The following PHACTR3 variants were observed in gnomAD, a reference collection of about 807,000 sequenced individuals.
The protein encoded by PHACTR3 is protein phosphatase 1, regulatory subunit 123.
In PHACTR3, 16 loss-of-function variants were observed where a neutral mutation model predicts 66.8. The observed-to-expected ratio is 0.24, with a 90% CI of 0.16 to 0.36. PHACTR3 has a LOEUF of 0.36. Among genes scored for constraint, PHACTR3 ranks in the 10% least tolerant of loss-of-function variants. The pLI is 1.00. For missense variants in PHACTR3, 647 were observed against 719.9 expected, an observed-to-expected ratio of 0.90 and a Z score of 1.16; for synonymous variants, 323 against 292.1, an observed-to-expected ratio of 1.11 and a Z score of -1.08.
At chr20:59,606,308 C>T (rs1410602743) in intron 1 of PHACTR3, among the ~76,000 whole-genome samples, 1 of 151,984 alleles carries the variant, frequency 6.6e-6, no homozygotes, top group Non-Finnish European at 1.5e-5. Context: ...ATCCCTCCCC[C>T]CCCCATTTGA....
At chr20:59,765,751 T>C (rs2040158103) in intron 4 of PHACTR3, among the ~76,000 whole-genome samples, 1 of 152,152 alleles carries the variant, frequency 6.6e-6, no homozygotes, top group Non-Finnish European at 1.5e-5. Flanking sequence ...TTCAGCACCA[T>C]GGACAGCACC....
At chr20:59,761,820 A>G (rs1182483) in intron 4 of PHACTR3, among the ~76,000 whole-genome samples, 125,203 of 152,100 alleles carry the variant, frequency 0.82, 51,614 homozygotes, top group Middle Eastern at 0.85. Context: ...TGACCCCTGC[A>G]TTGGGGTTTG....
intron 7 of PHACTR3, among the ~76,000 whole-genome samples, chr20:59,798,118 G>A (rs2041306707): frequency 6.6e-6 from 1 of 152,130 alleles, no homozygotes; most frequent in Non-Finnish European, 1.5e-5. Flanking sequence ...AAGCTGGCAA[G>A]TTCAATGTCT....
At chr20:59,605,855 AGGTGGGGGGGGGGGT>A (rs1568929018) in intron 1 of PHACTR3, among the ~76,000 whole-genome samples, 1 of 8,836 alleles carries the variant, frequency 1.1e-4, no homozygotes, top group African/African-American at 6.4e-4. Context: ...GCGGGGGGGG[AGGTGGGGGGGGGGGT>A]GGGCTGTGTG....
At chr20:59,643,961 AAGG>A (rs1345550538) in intron 1 of PHACTR3, among the ~76,000 whole-genome samples, 4 of 152,112 alleles carry the variant, frequency 2.6e-5, no homozygotes, top group Non-Finnish European at 4.4e-5. Flanking sequence ...GTGTTTGAGG[AAGG>A]AGGTGGAGCA....
At chr20:59,600,872 TGATTATGCCCACCAGGGCAA>T (rs955647499), upstream of PHACTR3, among the ~76,000 whole-genome samples, 9 of 151,700 alleles carry the variant, frequency 5.9e-5, no homozygotes, top group African/African-American at 1.2e-4. Context: ...GTTTCAGTGT[TGATTATGCCCACCAGGGCAA>T]GAGGCAGAAC....
chr20:59,582,296 T>A (rs2032886188), intron 1 of PHACTR3, among the ~76,000 whole-genome samples: 1 of 152,244 alleles, frequency 6.6e-6, no homozygotes, highest in Non-Finnish European at 1.5e-5. Context: ...CTTCATAGGT[T>A]CTGTCTAATT....
At chr20:59,811,577 TG>T (rs1377029128) in intron 8 of PHACTR3, among the ~76,000 whole-genome samples, 1 of 152,034 alleles carries the variant, frequency 6.6e-6, no homozygotes, top group African/African-American at 2.4e-5. Flanking sequence ...GAGAATCGCT[TG>T]AACCTGGGAG....
chr20:59,577,766 T>C (rs2032755135), intron 1 of PHACTR3: 1 of 440,562 alleles, frequency 2.3e-6, no homozygotes, highest in African/African-American at 2.1e-5. Flanking sequence ...GCCACAGAGG[T>C]GGGCGCCCCG....
Position 59,581,038 on chromosome 20 carries a change from C to T in PHACTR3, c.109+3421C>T, listed in dbSNP as rs1031337177. On this transcript the variant is annotated intron_variant, in intron 1 of 12. Transcript: ENST00000359926. ...ACGGCTGAGACCTAGCTGTCTCCTC[C>T]GGTCCAGAAATGGAGCTGGCATCCC... 1.7e-4 allele frequency among the ~76,000 whole-genome samples: 26 copies of T among 152,318 alleles called. No homozygotes were observed. The East Asian group carries it at 2.1e-3, about 12-fold the overall frequency.
chr20:59,835,859 G>C (rs1350110554), intron 8 of PHACTR3: 1 of 152,304 alleles, frequency 6.6e-6, no homozygotes, highest in Non-Finnish European at 1.5e-5. Flanking sequence ...CTGGCTGGAA[G>C]AGATTCCCAG....
chr20:59,774,094 CTCCTTCTGGTGTG>C, intron 6 of PHACTR3, 136 bp from the exon 7 acceptor site: 1 of 919,916 alleles, frequency 1.1e-6, no homozygotes, highest in South Asian at 2.5e-5. Flanking sequence ...AATCCTCATG[CTCCTTCTGGTGTG>C]TCCAGGATAA....
intron 1 of PHACTR3, among the ~76,000 whole-genome samples, chr20:59,589,627 T>C (rs2033133507): frequency 6.6e-6 from 1 of 151,992 alleles, no homozygotes; most frequent in Non-Finnish European, 1.5e-5. Context: ...CTGTGGTGAG[T>C]CCGTAAGCCC....
At chr20:59,728,887 G>A (rs763888680) in intron 1 of PHACTR3, among the ~76,000 whole-genome samples, 1 of 152,056 alleles carries the variant, frequency 6.6e-6, no homozygotes, top group Non-Finnish European at 1.5e-5. Flanking sequence ...TTGGGTGGGA[G>A]GGTGCTTGGA....
upstream of PHACTR3, among the ~76,000 whole-genome samples, chr20:59,600,806 G>C (rs968892283): frequency 2.6e-5 from 4 of 152,088 alleles, no homozygotes; most frequent in Admixed American, 6.5e-5. Context: ...AGGGGCAGAA[G>C]GGGGGTCCTT....
intron 3 of PHACTR3, among the ~76,000 whole-genome samples, chr20:59,753,945 G>A (rs1260018212): frequency 6.6e-5 from 10 of 152,184 alleles, no homozygotes; most frequent in Non-Finnish European, 1.3e-4. Flanking sequence ...AGGATGGGAC[G>A]TGTGTGGAAG....
At chr20:59,639,907 A>C (rs2035041612) in intron 1 of PHACTR3, among the ~76,000 whole-genome samples, 2 of 152,244 alleles carry the variant, frequency 1.3e-5, no homozygotes, top group South Asian at 4.1e-4. Flanking sequence ...GTGATAATGC[A>C]GGAAAAAAAC....
intron 1 of PHACTR3, among the ~76,000 whole-genome samples, chr20:59,681,144 A>G (rs1473638989): frequency 3.9e-5 from 6 of 151,928 alleles, no homozygotes; most frequent in Non-Finnish European, 5.9e-5. Flanking sequence ...TTCCAGCAGC[A>G]TAGCTGAGGC....
chr20:59,804,767 G>C (rs2041513402), intron 7 of PHACTR3, among the ~76,000 whole-genome samples: 1 of 152,200 alleles, frequency 6.6e-6, no homozygotes, highest in South Asian at 2.1e-4. Flanking sequence ...TCAAGACTTG[G>C]CTGAGTTCCA....
Sources: allele counts gnomAD v4.1 joint callset (sites outside exome capture counted in the v4.1 genomes callset), GRCh38; gene constraint gnomAD v4.1.1; transcripts MANE v1.5; gene names NCBI Gene and HGNC (gene_info 2026-07-23, HGNC 2026-07-21).